The following ANKS1B variants were observed in gnomAD, a reference collection of about 807,000 sequenced individuals.
The protein encoded by ANKS1B is ankyrin repeat and sterile alpha motif domain-containing protein 1B.
ANKS1B carries 36 observed loss-of-function variants against 148.3 expected under a neutral mutation model. The ratio of observed to expected loss-of-function variants is 0.24; its 90% CI spans 0.19 to 0.32. The LOEUF is 0.32. ANKS1B is among the 10% of genes least tolerant of loss of function. ANKS1B has a pLI of 1.00. For synonymous variants in ANKS1B, 542 were observed against 560.8 expected (o/e 0.97, Z 0.47); for missense variants, 1,157 against 1,542.6 (o/e 0.75, Z 4.19).
chr12:99,416,243 A>G (rs892546226), intron 11 of ANKS1B, among the ~76,000 whole-genome samples: 28 of 152,180 alleles, frequency 1.8e-4, no homozygotes, highest in African/African-American at 6.8e-4. Context: ...TGGATGTTTA[A>G]CCATTCACCC....
chr12:99,911,775 G>A (rs2094012832), intron 1 of ANKS1B, among the ~76,000 whole-genome samples: 1 of 152,078 alleles, frequency 6.6e-6, no homozygotes, highest in Admixed American at 6.5e-5. Context: ...CTCCCACTTT[G>A]AAGAAAATCC....
intron 8 of ANKS1B, among the ~76,000 whole-genome samples, chr12:99,772,086 T>A (rs1156405332): frequency 6.6e-6 from 1 of 152,146 alleles, no homozygotes; most frequent in Non-Finnish European, 1.5e-5. Context: ...GTATATACTA[T>A]AAGTCCTTCC....
chr12:98,808,381 T>C (rs1293694981), intron 19 of ANKS1B, among the ~76,000 whole-genome samples: 1 of 152,186 alleles, frequency 6.6e-6, no homozygotes, highest in African/African-American at 2.4e-5. Flanking sequence ...GATTTAGTCA[T>C]TGCTCTATTT....
chr12:99,636,116 T>G (rs1340187513), intron 9 of ANKS1B, among the ~76,000 whole-genome samples: 1 of 152,056 alleles, frequency 6.6e-6, no homozygotes, highest in Non-Finnish European at 1.5e-5. Flanking sequence ...TTAAAATATT[T>G]TTAACAGACA....
chr12:99,180,215 A>G (rs1308457728), intron 14 of ANKS1B, among the ~76,000 whole-genome samples: 2 of 152,146 alleles, frequency 1.3e-5, no homozygotes, highest in South Asian at 2.1e-4. Flanking sequence ...AAACTCCCAT[A>G]GTACATTATT....
chr12:98,836,048 A>C (rs2099360930), intron 17 of ANKS1B, among the ~76,000 whole-genome samples: 1 of 152,192 alleles, frequency 6.6e-6, no homozygotes, highest in Admixed American at 6.5e-5. Flanking sequence ...AACTTGCCCA[A>C]GGTCACACTG....
chr12:99,653,788 T>A (rs1209010400), intron 9 of ANKS1B, among the ~76,000 whole-genome samples: 1 of 151,222 alleles, frequency 6.6e-6, no homozygotes, highest in Non-Finnish European at 1.5e-5. Context: ...CTCAGCCTCC[T>A]GAGTAGCTAG....
intron 8 of ANKS1B, among the ~76,000 whole-genome samples, chr12:99,670,823 G>A (rs2098534370): frequency 6.6e-6 from 1 of 152,092 alleles, no homozygotes; most frequent in South Asian, 2.1e-4. Context: ...CACAGAGTTT[G>A]CATGATTAAG....
intron 11 of ANKS1B, among the ~76,000 whole-genome samples, chr12:99,412,835 AAAGT>A (rs1354844075): frequency 3.9e-5 from 6 of 152,208 alleles, no homozygotes; most frequent in African/African-American, 4.8e-5. Flanking sequence ...CAACTCGAAG[AAAGT>A]AAGTATCATT....
chr12:99,436,516 T>G (rs1447862004), intron 11 of ANKS1B, among the ~76,000 whole-genome samples: 1 of 152,068 alleles, frequency 6.6e-6, no homozygotes, highest in Non-Finnish European at 1.5e-5. Context: ...CTTTCCAAGT[T>G]ATATGCCTCT....
At chr12:99,371,024 G>T (rs1566974182) in intron 12 of ANKS1B, among the ~76,000 whole-genome samples, 2 of 150,292 alleles carry the variant, frequency 1.3e-5, no homozygotes, top group Non-Finnish European at 3.0e-5. Context: ...TTTCTGTTTT[G>T]TTTTTTTTTC....
At chr12:99,968,555 CTCAATCAA>C (rs57273287) in intron 1 of ANKS1B, among the ~76,000 whole-genome samples, 31,753 of 151,356 alleles carry the variant, frequency 0.21, 3,609 homozygotes, top group African/African-American at 0.27. Flanking sequence ...GAGCCTCTGT[CTCAATCAA>C]TCAATCAATC....
chr12:99,785,818 A>C (rs967780076), intron 4 of ANKS1B, among the ~76,000 whole-genome samples: 2 of 152,214 alleles, frequency 1.3e-5, no homozygotes, highest in African/African-American at 4.8e-5. Flanking sequence ...GGAACACTGA[A>C]TATCAATGTG....
chr12:99,789,461 G>A (rs1338355250), intron 4 of ANKS1B, among the ~76,000 whole-genome samples: 1 of 152,022 alleles, frequency 6.6e-6, no homozygotes, highest in African/African-American at 2.4e-5. Context: ...AATTACATAA[G>A]GCACCAGGGA....
intron 3 of ANKS1B, among the ~76,000 whole-genome samples, chr12:99,807,166 C>T (rs541299497): frequency 6.6e-6 from 1 of 152,302 alleles, no homozygotes; most frequent in Admixed American, 6.5e-5. Context: ...AATTAAGTTT[C>T]ATTTTATTTT....
chr12:98,929,022 G>A (rs2099811441), intron 17 of ANKS1B, among the ~76,000 whole-genome samples: 2 of 149,992 alleles, frequency 1.3e-5, no homozygotes, highest in Middle Eastern at 3.4e-3. Flanking sequence ...TTACGTGATC[G>A]TTATATAGAA....
intron 17 of ANKS1B, among the ~76,000 whole-genome samples, chr12:99,030,424 T>C (rs1008576478): frequency 6.6e-6 from 1 of 151,934 alleles, no homozygotes; most frequent in Non-Finnish European, 1.5e-5. Context: ...ATCTACCCCA[T>C]TGCCTTCTTC....
chr12:99,140,396 T>G (rs1023097033), intron 15 of ANKS1B, among the ~76,000 whole-genome samples: 6 of 152,194 alleles, frequency 3.9e-5, no homozygotes, highest in Non-Finnish European at 5.9e-5. Flanking sequence ...CTGGAATAAT[T>G]CATGTAAGCT....
At chr12:99,185,753 C>G (rs1368367666) in intron 14 of ANKS1B, among the ~76,000 whole-genome samples, 1 of 152,222 alleles carries the variant, frequency 6.6e-6, no homozygotes, top group Non-Finnish European at 1.5e-5. Context: ...ACCTGCAGAC[C>G]AGGAGATTCC....
Sources: allele counts gnomAD v4.1 joint callset (sites outside exome capture counted in the v4.1 genomes callset), GRCh38; gene constraint gnomAD v4.1.1; transcripts MANE v1.5; gene names NCBI Gene and HGNC (gene_info 2026-07-23, HGNC 2026-07-21).